Variants in SRPX2 observed in about 807,000 individuals in gnomAD.
The protein encoded by SRPX2 is sushi repeat-containing protein SRPX2.
SRPX2 carries 26 observed loss-of-function variants against 45.3 expected under a neutral mutation model. That is an observed-to-expected ratio of 0.57 (90% confidence interval 0.42 to 0.80). The LOEUF is 0.80. Ranked by LOEUF, SRPX2 falls within the 30% of genes least tolerant of loss-of-function variation. SRPX2 has a pLI of 0.00. For synonymous variants in SRPX2, 125 were observed against 143.7 expected (o/e 0.87, Z 0.93); for missense variants, 355 against 399.8 (o/e 0.89, Z 0.95).
intron 3 of SRPX2, among the ~76,000 whole-genome samples, chrX:100,651,668 G>A (rs2083153815): frequency 9.2e-6 from 1 of 108,844 alleles, no homozygotes; most frequent in South Asian, 4.1e-4. Context: ...TATAATCCCA[G>A]CTACTCAGGT....
intron 9 of SRPX2, among the ~76,000 whole-genome samples, chrX:100,668,728 G>C (rs185953991): frequency 1.3e-3 from 150 of 112,030 alleles, no homozygotes; most frequent in African/African-American, 4.4e-3. Flanking sequence ...TGGAGACCGA[G>C]CGAAGGCCCT....
At position 100,665,569 on chromosome X, in the gene SRPX2, C is replaced by A. The variant is rs142719253; in HGVS notation, c.693C>A (p.His231Gln). The change falls in exon 7 of 11, where the codon CAC (histidine) becomes CAA (glutamine). Residue 231 changes from histidine to glutamine, a missense_variant. His to Gln is a conservative substitution (Grantham distance 24). Transcript: ENST00000373004. ...TTCGGGGCCCTGAGCCTGGCTCTCA[C>A]TTTCCCGAAGGAGAGCATGTGATTC... The part of the protein sequence containing the change: ...VTLRGPEPGS[H>Q]FPEGEHVIRY... The A allele has an allele frequency of 2.0e-4, 246 of 1,210,397 alleles. No homozygotes were observed. The highest frequency in any genetic ancestry group is 2.0e-4 in the Non-Finnish European group (177 of 895,298).
rs775745651 is a variant in SRPX2, at chrX:100,665,401, T to C, written c.659+32T>C. Reference sequence around the variant, plus strand: ...CTGAATAATGGATGCCCCTTATGCCTTCCCTCGGCTTCTCTCAGTCATTCA... The same window carrying C: ...CTGAATAATGGATGCCCCTTATGCCCTCCCTCGGCTTCTCTCAGTCATTCA... On this transcript the variant is annotated intron_variant, in intron 6 of 10. Coordinates refer to ENST00000373004, the MANE Select transcript of SRPX2 (RefSeq NM_014467.3). 3.6e-5 allele frequency: 43 copies of C among 1,203,895 alleles called. 1 individual carries two copies. In the South Asian group the frequency reaches 6.3e-4, roughly 18 times the overall value.
intron 3 of SRPX2, among the ~76,000 whole-genome samples, chrX:100,660,557 C>T (rs1425499850): frequency 4.5e-5 from 5 of 111,867 alleles, no homozygotes; most frequent in Non-Finnish European, 7.5e-5. Flanking sequence ...AGGCTGGGCG[C>T]GGTGGCTCAT....
Position 100,650,819 on chromosome X carries a change from A to C in SRPX2, c.117A>C (p.Glu39Asp), listed in dbSNP as rs762469858. ...SGYYPDESYN[E>D]VYAEEVPQAP... ...ACTATCCGGATGAAAGCTACAATGA[A>C]GTATATGCAGAGGAGGTCCCACAGG... Residue 39 changes from glutamate (E) to aspartate (D), a missense_variant, in exon 3 of 11, where the codon GAA (glutamate) becomes GAC (aspartate). Coordinates refer to ENST00000373004, the MANE Select transcript of SRPX2 (RefSeq NM_014467.3). 2 of 1,210,997 alleles carry C rather than the reference A, an allele frequency of 1.7e-6. No homozygotes were observed. The highest frequency in any genetic ancestry group is 4.3e-5 in the Admixed American group (2 of 46,021).
Position 100,664,795 on chromosome X carries a change from C to A in SRPX2, c.377C>A (p.Pro126Gln). Residue 126 changes from proline (P) to glutamine (Q), a missense_variant, in exon 5 of 11, where the codon CCA becomes CAA. Pro to Gln is a moderately conservative substitution (Grantham distance 76). Transcript: ENST00000373004. The stretch of plus-strand genomic sequence containing the variant: ...TTAGAGATGAGATGCCACGCACTAC[C>A]ATTCATCACTAGTGGCACTTACACC... The part of the protein sequence containing the change: ...YCRQMRCHAL[P>Q]FITSGTYTCT... 8.3e-7 allele frequency: 1 copy of A among 1,206,929 alleles called. No individual in the cohort carries two copies. The highest frequency in any genetic ancestry group is 1.1e-6 in the Non-Finnish European group (1 of 892,990).
intron 2 of SRPX2, chrX:100,649,552 A>G (rs1256112249): frequency 8.9e-6 from 1 of 112,272 alleles, no homozygotes; most frequent in Non-Finnish European, 1.9e-5. Context: ...CAACGAGGAC[A>G]TGATTTCATA....
rs764634888 is a variant in SRPX2 at position 100,665,548 on chromosome X, G to A, written c.672G>A (p.Arg224=). ...ADGTITRVTL[R]GPEPGSHFPE... ...CTGTCCCATGCAGGGTGACACTTCG[G>A]GGCCCTGAGCCTGGCTCTCACTTTC... Residue 224 remains arginine, a synonymous_variant, in exon 7 of 11, where the codon CGG becomes CGA. Transcript: ENST00000373004. 8.3e-7 allele frequency: 1 copy of A among 1,211,926 alleles called. No individual in the cohort carries two copies. The highest frequency in any genetic ancestry group is 2.2e-5 in the Admixed American group (1 of 46,067).
intron 10 of SRPX2, 47 bp downstream of exon 10, chrX:100,669,416 C>CG (rs762227182): frequency 3.0e-4 from 31 of 104,526 alleles, no homozygotes; most frequent in Admixed American, 9.4e-4. Flanking sequence ...GGGGCTGGGG[C>CG]GGGGGGAGAA....
chrX:100,659,534 G>A (rs1391017253), intron 3 of SRPX2, among the ~76,000 whole-genome samples: 2 of 111,870 alleles, frequency 1.8e-5, no homozygotes, highest in Admixed American at 9.5e-5. Context: ...TTTGTGATAT[G>A]TGTTGTGGCC....
intron 3 of SRPX2, among the ~76,000 whole-genome samples, chrX:100,656,276 G>T (rs1008374701): frequency 1.8e-5 from 2 of 109,899 alleles, no homozygotes; most frequent in East Asian, 5.8e-4. Flanking sequence ...TCAAGTCAGG[G>T]TATTTGCGGT....
intron 3 of SRPX2, among the ~76,000 whole-genome samples, chrX:100,660,499 T>C (rs997246557): frequency 1.8e-5 from 2 of 112,216 alleles, no homozygotes; most frequent in Non-Finnish European, 3.8e-5. Context: ...TTCTTTTGTA[T>C]GAATACACCA....
At chrX:100,652,075 TA>T (rs913390949) in intron 3 of SRPX2, among the ~76,000 whole-genome samples, 3 of 112,144 alleles carry the variant, frequency 2.7e-5, no homozygotes, top group Non-Finnish European at 3.8e-5. Context: ...CATGACACAG[TA>T]AATTGTCATT....
rs1358443770 is a variant in SRPX2 at position 100,675,690 on chromosome X, G to C, written c.*4703G>C. 2 of 149,393 alleles carry C rather than the reference G, an allele frequency of 1.3e-5. No individual in the cohort carries two copies. Among genetic ancestry groups the C allele is most frequent in the Non-Finnish European group, 2.6e-5 (2 of 78,244 alleles). 12.3% of individuals were successfully genotyped at this position (149,393 alleles called of 1,213,427 possible). On this transcript the variant is annotated 3_prime_UTR_variant, in exon 11 of 11. Coordinates refer to ENST00000373004, the MANE Select transcript of SRPX2 (RefSeq NM_014467.3). Reference sequence around the variant, plus strand: ...TAGGAACAATGATAGCAAGACAGAAGATAAAAAGTTGTTTTAAAAGCTGTT... The same window carrying C: ...TAGGAACAATGATAGCAAGACAGAACATAAAAAGTTGTTTTAAAAGCTGTT...
At chrX:100,667,075 C>T (rs759221360) in intron 8 of SRPX2, 142 bp downstream of exon 8, 78 of 988,311 alleles carry the variant, frequency 7.9e-5, no homozygotes, top group Non-Finnish European at 1.0e-4. Context: ...TAAAGGCCAA[C>T]ATTCCCCCGT....
At chrX:100,666,128 A>G (rs1844941810) in intron 7 of SRPX2, among the ~76,000 whole-genome samples, 1 of 111,997 alleles carries the variant, frequency 8.9e-6, no homozygotes, top group African/African-American at 3.2e-5. Flanking sequence ...ATAAAGGGGG[A>G]AAATCTATTA....
At chrX:100,660,577 C>T (rs1421736297) in intron 3 of SRPX2, among the ~76,000 whole-genome samples, 2 of 111,942 alleles carry the variant, frequency 1.8e-5, no homozygotes, top group Non-Finnish European at 3.8e-5. Flanking sequence ...TGCCTGTGAT[C>T]CCAGCACTTT....
chrX:100,653,564 G>A (rs1347035954), intron 3 of SRPX2, among the ~76,000 whole-genome samples: 1 of 111,579 alleles, frequency 9.0e-6, no homozygotes, highest in African/African-American at 3.3e-5. Context: ...ATCTGGCCTT[G>A]GTCTAGCTTC....
At chrX:100,653,160 C>A (rs957348995) in intron 3 of SRPX2, among the ~76,000 whole-genome samples, 1 of 111,268 alleles carries the variant, frequency 9.0e-6, no homozygotes, top group African/African-American at 3.3e-5. Flanking sequence ...TTGGGTCAAC[C>A]CTGACCTGTC....
Sources: gnomAD v4.1 joint callset for allele counts (sites outside exome capture counted in the v4.1 genomes callset) on GRCh38, gnomAD v4.1.1 for gene constraint, MANE v1.5 for transcripts, NCBI Gene and HGNC (gene_info 2026-07-23, HGNC 2026-07-21) for gene names.